The following CPZ variants were observed in gnomAD, a reference collection of about 807,000 sequenced individuals.
CPZ encodes VEZT/CPZ fusion.
In CPZ, 103 loss-of-function variants were observed where a neutral mutation model predicts 61.8. The observed-to-expected ratio is 1.67, with a 90% CI of 1.42 to 1.96. CPZ has a LOEUF of 1.96. Among genes scored for constraint, CPZ ranks in the 30% most tolerant of loss-of-function variants. The pLI is 0.00. For synonymous variants in CPZ, 551 were observed against 373.7 expected, an observed-to-expected ratio of 1.47 and a Z score of -5.47; for missense variants, 1,461 against 914.9, an observed-to-expected ratio of 1.60 and a Z score of -7.70.
Position 8,601,387 on chromosome 4 carries a change from GC to G in CPZ, c.388del (p.Gln130SerfsTer68), listed in dbSNP as rs1436530650. On this transcript the variant is annotated frameshift_variant, in exon 3 of 11. Transcript: ENST00000360986. LOFTEE classifies it high-confidence loss of function. ...ATCTGCGAGGGCCTGCGGGAGGTCTGCCAGCCCGCCTTCGACGCCATTGACA... is the reference window on the plus strand; with the variant it reads ...ATCTGCGAGGGCCTGCGGGAGGTCTGCAGCCCGCCTTCGACGCCATTGACA... ...RHICEGLREV[C>X]QPAFDAIDMA... is the part of the protein sequence containing the mutation. 6.3e-7 allele frequency: 1 copy of G among 1,595,024 alleles called. No homozygotes were observed. The highest frequency in any genetic ancestry group is 8.5e-7 in the Non-Finnish European group (1 of 1,169,610).
intron 7 of CPZ, among the ~76,000 whole-genome samples, chr4:8,609,324 C>CTCATTCACTCATGCACTTAT (rs1389324982): frequency 1.8e-5 from 1 of 56,592 alleles, no homozygotes; most frequent in Admixed American, 3.1e-4. Context: ...CACTTATTCA[C>CTCATTCACTCATGCACTTAT]TCACTTTTTC....
At chr4:8,619,177 T>C (rs1577133113) in intron 10 of CPZ, 85 bp from the exon 11 acceptor site, 1 of 1,226,266 alleles carries the variant, frequency 8.2e-7, no homozygotes, top group East Asian at 2.6e-5. Flanking sequence ...CATGCTAACC[T>C]CTCCCCACTC....
At position 8,619,639 on chromosome 4, in the gene CPZ, G is replaced by C. The variant is rs760833617; in HGVS notation, c.*22G>C. The C allele has an allele frequency of 5.4e-6, 8 of 1,473,116 alleles. No homozygotes were observed. Among genetic ancestry groups the C allele is most frequent in the Non-Finnish European group, 7.2e-6 (8 of 1,112,830 alleles). 91.3% of individuals were successfully genotyped at this position (1,473,116 alleles called of 1,614,324 possible). A position where few individuals can be genotyped will look rare whatever the true frequency, so the allele number is the denominator to read the frequency against. ...CTAGCCCCGGCCCCAGCACCCGCCAGGATGTGGAGACCGAGGCCCATCTCC... is the reference window on the plus strand; with the variant it reads ...CTAGCCCCGGCCCCAGCACCCGCCACGATGTGGAGACCGAGGCCCATCTCC... On this transcript the variant is annotated 3_prime_UTR_variant, in exon 11 of 11. Transcript: ENST00000360986.
At chr4:8,606,953 G>T in intron 6 of CPZ, 55 bp downstream of exon 6, 1 of 1,527,086 alleles carries the variant, frequency 6.5e-7, no homozygotes, top group Admixed American at 2.0e-5. Flanking sequence ...GGGGTCCCTA[G>T]TTATTCCAGG....
At chr4:8,596,839 A>C (rs966040019) in intron 1 of CPZ, among the ~76,000 whole-genome samples, 3 of 152,222 alleles carry the variant, frequency 2.0e-5, no homozygotes, top group Admixed American at 2.0e-4. Context: ...TTGGAGGAGC[A>C]GGTGCAGGGA....
At chr4:8,597,575 G>C (rs891675840) in intron 1 of CPZ, 3 of 152,194 alleles carry the variant, frequency 2.0e-5, no homozygotes, top group Admixed American at 6.5e-5. Context: ...CGTTGTGGGC[G>C]TCCGCGGGCA....
At chr4:8,608,642 G>GTGTGTGTGTGTGTATGCCTC in intron 7 of CPZ, among the ~76,000 whole-genome samples, 1 of 152 alleles carries the variant, frequency 6.6e-3, no homozygotes, top group African/African-American at 0.011. Context: ...GTGAGTGCAC[G>GTGTGTGTGTGTGTATGCCTC]TGTGTGCGTG....
chr4:8,604,002 C>A lies in CPZ; in HGVS notation c.523C>A (p.Pro175Thr), dbSNP rs140379391. 18 of 1,612,150 alleles carry A rather than the reference C, an allele frequency of 1.1e-5. No homozygotes were observed. Among genetic ancestry groups the A allele is most frequent in the Non-Finnish European group, 1.5e-5 (18 of 1,179,806 alleles). ...RGGLEADEAL[P>T]SGLPPTFIRF... is the part of the protein sequence containing the mutation. ...AGGCCTGGAGGCTGACGAGGCACTGCCCTCAGGGCTGCCGCCCACCTTCAT... is the reference window on the plus strand; with the variant it reads ...AGGCCTGGAGGCTGACGAGGCACTGACCTCAGGGCTGCCGCCCACCTTCAT... The change falls in exon 4 of 11, where the codon CCC becomes ACC. Residue 175 changes from proline to threonine, a missense_variant. Physicochemically the swap from Pro to Thr is conservative, Grantham distance 38. Coordinates refer to ENST00000360986, the MANE Select transcript of CPZ (RefSeq NM_001014447.3).
At chr4:8,611,982 C>T in intron 7 of CPZ, 45 bp from the exon 8 acceptor site, 1 of 1,612,972 alleles carries the variant, frequency 6.2e-7, no homozygotes. Context: ...CACAGGACGT[C>T]CTGCAGGGGA....
At chr4:8,599,180 G>A (rs1176438811) in intron 1 of CPZ, among the ~76,000 whole-genome samples, 5 of 152,212 alleles carry the variant, frequency 3.3e-5, no homozygotes, top group Admixed American at 6.5e-5. Context: ...GCCCAGCCCC[G>A]GGCTTCGAGC....
intron 7 of CPZ, among the ~76,000 whole-genome samples, chr4:8,608,246 T>C (rs1457233546): frequency 6.6e-6 from 1 of 151,044 alleles, no homozygotes. Context: ...ACCTGGCCCC[T>C]TGATGGCCCA....
Position 8,619,653 on chromosome 4 carries a change from A to C in CPZ, c.*36A>C. ...AGCACCCGCCAGGATGTGGAGACCGAGGCCCATCTCCGCATCCCGGGCTCC... is the reference window on the plus strand; with the variant it reads ...AGCACCCGCCAGGATGTGGAGACCGCGGCCCATCTCCGCATCCCGGGCTCC... On this transcript the variant is annotated 3_prime_UTR_variant, in exon 11 of 11. Transcript: ENST00000360986. 7.0e-7 allele frequency: 1 copy of C among 1,436,348 alleles called. No homozygotes were observed. 89.0% of individuals were successfully genotyped at this position (1,436,348 alleles called of 1,614,324 possible). A position where few individuals can be genotyped will look rare whatever the true frequency, so the allele number is the denominator to read the frequency against.
chr4:8,605,342 C>CCATCCATCCATCCATT (rs1397558608), intron 4 of CPZ, among the ~76,000 whole-genome samples: 14 of 151,506 alleles, frequency 9.2e-5, no homozygotes, highest in Non-Finnish European at 1.9e-4. Flanking sequence ...ATCCATCCAT[C>CCATCCATCCATCCATT]CATCCATTTA....
At chr4:8,612,205 G>GGGGGGGGGGGGGCC in intron 8 of CPZ, 43 bp downstream of exon 8, 1 of 202,854 alleles carries the variant, frequency 4.9e-6, no homozygotes, top group Non-Finnish European at 9.6e-6. Flanking sequence ...GGTGGGGGGT[G>GGGGGGGGGGGGGCC]CAGGGGCTGG....
intron 7 of CPZ, among the ~76,000 whole-genome samples, chr4:8,609,121 CACTCATTCACTCATTT>C (rs1230743441): frequency 7.1e-4 from 11 of 15,598 alleles, no homozygotes; most frequent in Non-Finnish European, 1.3e-3. Flanking sequence ...CTCACTCCCT[CACTCATTCACTCATTT>C]ACTCATTCAC....
intron 1 of CPZ, among the ~76,000 whole-genome samples, chr4:8,593,901 G>A (rs1437141996): frequency 6.6e-6 from 1 of 152,150 alleles, no homozygotes; most frequent in African/African-American, 2.4e-5. Flanking sequence ...GCTCATGCAG[G>A]TGTGCAGGTG....
In CPZ at chr4:8,601,440, C is replaced by T; in HGVS notation, c.439C>T (p.His147Tyr). Residue 147 changes from histidine (H) to tyrosine (Y), a missense_variant, in exon 3 of 11, where the codon CAC becomes TAC. Physicochemically the swap from His to Tyr is moderately conservative, Grantham distance 83 (BLOSUM62 2). Transcript: ENST00000360986. ...GGCCTGGCCCTACTTCCTTGACTGC[C>T]ACCGCTACTTCACGAGAGAGGACGA... is the stretch of plus-strand genomic sequence containing the variant. ...DMAWPYFLDC[H>Y]RYFTREDEGC... 1.3e-6 allele frequency: 2 copies of T among 1,551,534 alleles called. No individual in the cohort carries two copies. The highest frequency in any genetic ancestry group is 1.7e-6 in the Non-Finnish European group (2 of 1,147,932).
chr4:8,618,194 T>G (rs113067063), intron 9 of CPZ: 3 of 543,160 alleles, frequency 5.5e-6, no homozygotes, highest in South Asian at 2.1e-5. Context: ...AGATGCAGGG[T>G]CATTCAAAAG....
chr4:8,599,485 G>C lies in CPZ; in HGVS notation c.121G>C (p.Ala41Pro). Reference sequence around the variant, plus strand: ...CCACAGGCCACCAGCTGCAGACAGCGGTACAGTACCGGGACCTCCCTGGCT... The same window carrying C: ...CCACAGGCCACCAGCTGCAGACAGCCGTACAGTACCGGGACCTCCCTGGCT... Reference protein sequence around the residue: ...ECHRPPAADSATCVDLQLRTC... With the variant: ...ECHRPPAADSPTCVDLQLRTC... Residue 41 changes from alanine to proline, a missense_variant and splice_region_variant, in exon 2 of 11, where the codon GCC becomes CCC. By Grantham distance (27) the Ala-to-Pro change is conservative (BLOSUM62 -1). Transcript: ENST00000360986. 6.2e-7 allele frequency: 1 copy of C among 1,613,604 alleles called. No individual in the cohort carries two copies. Among genetic ancestry groups the C allele is most frequent in the Non-Finnish European group, 8.5e-7 (1 of 1,179,720 alleles).
Sources: allele counts gnomAD v4.1 joint callset (sites outside exome capture counted in the v4.1 genomes callset), GRCh38; gene constraint gnomAD v4.1.1; transcripts MANE v1.5; gene names NCBI Gene and HGNC (gene_info 2026-07-23, HGNC 2026-07-21).